Variants in COG5 observed in about 807,000 individuals in gnomAD.
The protein encoded by COG5 is component of oligomeric golgi complex 5, also known as conserved oligomeric Golgi complex subunit 5.
COG5 carries 86 observed loss-of-function variants against 110.4 expected under a neutral mutation model. That is an observed-to-expected ratio of 0.78 (90% CI 0.65 to 0.93). COG5 has a LOEUF of 0.93. Ranked by LOEUF, COG5 falls within the 40% of genes least tolerant of loss-of-function variation. The pLI is 0.00. For synonymous variants in COG5, 360 were observed against 334.6 expected, an observed-to-expected ratio of 1.08 and a Z score of -0.83; for missense variants, 1,077 against 987.0, an observed-to-expected ratio of 1.09 and a Z score of -1.22.
At chr7:107,343,045 A>G (rs1299775848) in intron 10 of COG5, among the ~76,000 whole-genome samples, 1 of 152,190 alleles carries the variant, frequency 6.6e-6, no homozygotes, top group Non-Finnish European at 1.5e-5. Flanking sequence ...CCAAACAAAG[A>G]ATGAAACAAT....
intron 18 of COG5, among the ~76,000 whole-genome samples, chr7:107,234,734 G>T (rs1801042886): frequency 6.6e-6 from 1 of 151,836 alleles, no homozygotes; most frequent in African/African-American, 2.4e-5. Context: ...AATTAAGGAG[G>T]AAAGGGGAAG....
At chr7:107,360,810 T>C (rs1297409141) in intron 10 of COG5, among the ~76,000 whole-genome samples, 3 of 152,228 alleles carry the variant, frequency 2.0e-5, no homozygotes, top group Admixed American at 6.5e-5. Flanking sequence ...GCTCTGTCCC[T>C]GGCTCATGTT....
chr7:107,559,009 ACT>A (rs1361866819), intron 1 of COG5, among the ~76,000 whole-genome samples: 1 of 150,764 alleles, frequency 6.6e-6, no homozygotes. Context: ...AGGAAAATTG[ACT>A]CTATATATAT....
intron 11 of COG5, among the ~76,000 whole-genome samples, chr7:107,315,039 C>G (rs890498044): frequency 3.3e-5 from 5 of 151,928 alleles, no homozygotes; most frequent in Admixed American, 6.6e-5. Context: ...GATCAAAATT[C>G]TAAAAAGTAC....
At chr7:107,224,345 A>G (rs914740195) in intron 19 of COG5, among the ~76,000 whole-genome samples, 1 of 152,242 alleles carries the variant, frequency 6.6e-6, no homozygotes, top group Non-Finnish European at 1.5e-5. Context: ...CATTACTCCT[A>G]TAATTAAAAA....
intron 11 of COG5, among the ~76,000 whole-genome samples, chr7:107,306,894 T>C (rs1158226840): frequency 6.6e-6 from 1 of 152,180 alleles, no homozygotes; most frequent in African/African-American, 2.4e-5. Context: ...TATTTCTCAA[T>C]TTCTGTTCTC....
chr7:107,475,270 T>G (rs752419324), intron 6 of COG5: 2 of 1,600,414 alleles, frequency 1.2e-6, no homozygotes, highest in African/African-American at 1.3e-5. Context: ...AATACACAAC[T>G]CTTGGATAGA....
chr7:107,339,554 A>C (rs185515629), intron 10 of COG5, among the ~76,000 whole-genome samples: 2 of 152,226 alleles, frequency 1.3e-5, no homozygotes, highest in East Asian at 3.9e-4. Flanking sequence ...TACTCCACCC[A>C]TCAACTACAG....
At chr7:107,525,512 G>A (rs2129155263) in intron 6 of COG5, among the ~76,000 whole-genome samples, 1 of 151,652 alleles carries the variant, frequency 6.6e-6, no homozygotes, top group East Asian at 1.9e-4. Context: ...AGATAATACT[G>A]TGAAAACAAC....
chr7:107,317,846 G>A (rs1808892614), intron 11 of COG5, among the ~76,000 whole-genome samples: 1 of 152,110 alleles, frequency 6.6e-6, no homozygotes, highest in African/African-American at 2.4e-5. Flanking sequence ...GCGGACAAGG[G>A]CATTTCCATC....
intron 6 of COG5, among the ~76,000 whole-genome samples, chr7:107,414,703 CTTT>C (rs530323655): frequency 8.1e-5 from 5 of 61,704 alleles, no homozygotes; most frequent in African/African-American, 1.7e-4. Context: ...CTCACTGTCC[CTTT>C]TTTTTTTTTT....
chr7:107,492,532 A>T (rs1798036034), intron 6 of COG5, among the ~76,000 whole-genome samples: 1 of 152,026 alleles, frequency 6.6e-6, no homozygotes. Flanking sequence ...GGCAGAATGG[A>T]AGTCCTTATG....
At chr7:107,319,992 C>CA (rs1237280357) in intron 11 of COG5, among the ~76,000 whole-genome samples, 26 of 151,750 alleles carry the variant, frequency 1.7e-4, no homozygotes, top group East Asian at 9.7e-4. Context: ...ACAACAACAA[C>CA]AAAAAAAACT....
At chr7:107,295,559 T>A (rs573029162) in intron 12 of COG5, among the ~76,000 whole-genome samples, 69 of 152,182 alleles carry the variant, frequency 4.5e-4, no homozygotes, top group Non-Finnish European at 9.0e-4. Context: ...ACATCTCCCA[T>A]CTCTTTTTCT....
chr7:107,296,690 C>T (rs12533516), intron 12 of COG5, among the ~76,000 whole-genome samples: 24,335 of 151,110 alleles, frequency 0.16, 2,345 homozygotes, highest in Non-Finnish European at 0.22. Flanking sequence ...GGATTACAAG[C>T]ATGTGTCACA....
At chr7:107,512,779 A>C (rs2129145330) in intron 6 of COG5, among the ~76,000 whole-genome samples, 1 of 152,192 alleles carries the variant, frequency 6.6e-6, no homozygotes, top group South Asian at 2.1e-4. Flanking sequence ...CAAACCTGAC[A>C]AAAACAAGCA....
At chr7:107,397,659 A>G (rs1449047305) in intron 7 of COG5, among the ~76,000 whole-genome samples, 1 of 152,242 alleles carries the variant, frequency 6.6e-6, no homozygotes. Context: ...AAGTATTTAT[A>G]TATCATTTTC....
chr7:107,443,841 T>C (rs986882228), intron 6 of COG5, among the ~76,000 whole-genome samples: 5 of 152,212 alleles, frequency 3.3e-5, no homozygotes, highest in African/African-American at 7.2e-5. Context: ...ATTGATATTA[T>C]ATATTTCATA....
At position 107,504,225 on chromosome 7, in the gene COG5, C is replaced by T. The variant is rs534349669; in HGVS notation, c.538+23012G>A. Among the ~76,000 whole-genome samples the T allele has an allele frequency of 4.6e-5, 7 of 152,152 alleles. No homozygotes were observed. The East Asian group carries it at 9.6e-4, about 21-fold the overall frequency. ...ATCATAAAAGGATGCTGGATTTTAC[C>T]GGATGCTTTTTCTGCATCTATTGAG... On this transcript the variant is annotated intron_variant, in intron 6 of 21. Coordinates refer to ENST00000297135, the MANE Select transcript of COG5 (RefSeq NM_006348.5).
Sources: allele counts gnomAD v4.1 joint callset (sites outside exome capture counted in the v4.1 genomes callset), GRCh38; gene constraint gnomAD v4.1.1; transcripts MANE v1.5; gene names NCBI Gene and HGNC (gene_info 2026-07-23, HGNC 2026-07-21).